The following MID2 variants were observed in gnomAD, a reference collection of about 807,000 sequenced individuals.
The protein encoded by MID2 is probable E3 ubiquitin-protein ligase MID2.
In MID2, 13 loss-of-function variants were observed where a neutral mutation model predicts 46.1. The observed-to-expected ratio is 0.28, with a 90% confidence interval of 0.18 to 0.45. The LOEUF (loss-of-function observed/expected upper bound fraction) is 0.45, where lower values mean the gene tolerates loss of function less well. Among genes scored for constraint, MID2 ranks in the 20% least tolerant of loss-of-function variants. The probability of loss-of-function intolerance (pLI) is 1.00; values close to 1 mark genes in which losing one functional copy is unlikely to be tolerated. For missense variants in MID2, 431 were observed against 575.4 expected, an observed-to-expected ratio of 0.75 and a Z score of 2.57; for synonymous variants, 199 against 212.3, an observed-to-expected ratio of 0.94 and a Z score of 0.55.
At chrX:107,831,638 C>G (rs1174062373) in intron 1 of MID2, among the ~76,000 whole-genome samples, 1 of 112,084 alleles carries the variant, frequency 8.9e-6, no homozygotes, top group Non-Finnish European at 1.9e-5. Flanking sequence ...CTGACCTGAA[C>G]TTGGGGTCCT....
At chrX:107,875,657 G>A (rs565894855) in intron 3 of MID2, among the ~76,000 whole-genome samples, 99 of 111,536 alleles carry the variant, frequency 8.9e-4, no homozygotes, top group African/African-American at 2.7e-3. Context: ...AGAATATACC[G>A]GTTCAGCAGA....
rs1372913120 is a variant in MID2, at chrX:107,926,798, G to A, written c.1933G>A (p.Val645Met). 1.7e-6 allele frequency: 2 copies of A among 1,209,835 alleles called. No individual in the cohort carries two copies. Among genetic ancestry groups the A allele is most frequent in the Non-Finnish European group, 2.2e-6 (2 of 895,130 alleles). Residue 645 changes from valine to methionine, a missense_variant, in exon 10 of 10, where the codon GTG (valine) becomes ATG (methionine). Val to Met is a conservative substitution (Grantham distance 21). Coordinates refer to ENST00000262843, the MANE Select transcript of MID2 (RefSeq NM_012216.4). ...GAGACACAACAACAAGGAAATGCTG[G>A]TGGATGTGCCCCCACACCTGAAGCG... ...VVRHNNKEMLVDVPPHLKRLG... is the reference protein window; with the variant it reads ...VVRHNNKEMLMDVPPHLKRLG...
At chrX:107,845,430 A>G in intron 2 of MID2, among the ~76,000 whole-genome samples, 1 of 110,003 alleles carries the variant, frequency 9.1e-6, no homozygotes, top group African/African-American at 3.3e-5. Flanking sequence ...ACATTTACAT[A>G]TCAGGGATCT....
At chrX:107,909,812 T>C (rs982598818) in intron 5 of MID2, among the ~76,000 whole-genome samples, 3 of 112,545 alleles carry the variant, frequency 2.7e-5, no homozygotes, top group African/African-American at 9.7e-5. Context: ...TCACTGCCGT[T>C]TTGAATCCAG....
chrX:107,887,313 C>A (rs907601095), intron 3 of MID2, among the ~76,000 whole-genome samples: 8 of 111,840 alleles, frequency 7.2e-5, no homozygotes, highest in African/African-American at 2.6e-4. Context: ...TGCCTAATTT[C>A]TTGAGAGTTT....
rs1933278984 is a variant in MID2, at chrX:107,931,358, G to T, written c.*4285G>T. 8.9e-6 allele frequency among the ~76,000 whole-genome samples: 1 copy of T among 112,111 alleles called. No homozygotes were observed. On this transcript the variant is annotated 3_prime_UTR_variant, in exon 10 of 10. Coordinates refer to ENST00000262843, the MANE Select transcript of MID2 (RefSeq NM_012216.4). ...AGGTTGGCCAAACTGATTGCCATCA[G>T]GTCAGACAAAACTGCCTTTTATGGT... is the stretch of plus-strand genomic sequence containing the variant.
At chrX:107,889,681 G>A (rs1932551142) in intron 3 of MID2, among the ~76,000 whole-genome samples, 1 of 111,837 alleles carries the variant, frequency 8.9e-6, no homozygotes, top group Non-Finnish European at 1.9e-5. Flanking sequence ...CTGGATTGGG[G>A]AATTTCTCCT....
At chrX:107,888,216 T>A (rs1932509931) in intron 3 of MID2, among the ~76,000 whole-genome samples, 1 of 111,949 alleles carries the variant, frequency 8.9e-6, no homozygotes, top group Non-Finnish European at 1.9e-5. Flanking sequence ...ATTGTGATGT[T>A]AGGGTGTCAA....
At chrX:107,828,310 C>CT (rs766362742) in intron 1 of MID2, among the ~76,000 whole-genome samples, 1,129 of 82,932 alleles carry the variant, frequency 0.014, 22 homozygotes, top group South Asian at 0.045. Flanking sequence ...TCTTTCTTTT[C>CT]TTTTTTTTTT....
chrX:107,850,043 C>T (rs2147831536), intron 2 of MID2, among the ~76,000 whole-genome samples: 1 of 112,012 alleles, frequency 8.9e-6, no homozygotes, highest in South Asian at 3.7e-4. Flanking sequence ...ACTAACCGGG[C>T]TTGAACATAA....
chrX:107,836,586 C>A (rs1569461498), intron 1 of MID2, among the ~76,000 whole-genome samples: 1 of 109,480 alleles, frequency 9.1e-6, no homozygotes, highest in East Asian at 2.8e-4. Context: ...ATAATACCTA[C>A]CTTTTAGAGA....
chrX:107,870,185 T>C (rs756483589), intron 3 of MID2, among the ~76,000 whole-genome samples: 9 of 111,589 alleles, frequency 8.1e-5, no homozygotes, highest in African/African-American at 3.3e-5. Flanking sequence ...GAATAAAAAG[T>C]GTTTGGTTAT....
Position 107,913,253 on chromosome X carries a change from A to G in MID2, c.1074-2749A>G, listed in dbSNP as rs777442817. The stretch of plus-strand genomic sequence containing the variant: ...CAAACTTTTCTCTATATCATTGGAT[A>G]TTATAAAACCTGATTTCCAATTGCT... On this transcript the variant is annotated intron_variant, in intron 5 of 9. Transcript: ENST00000262843. Among the ~76,000 whole-genome samples, 5 of 112,197 alleles carry G rather than the reference A, an allele frequency of 4.5e-5. No individual in the cohort carries two copies. In the East Asian group the frequency reaches 1.4e-3, roughly 31 times the overall value.
chrX:107,841,847 T>C (rs995188099), intron 2 of MID2, among the ~76,000 whole-genome samples: 3 of 110,994 alleles, frequency 2.7e-5, no homozygotes, highest in Non-Finnish European at 5.7e-5. Context: ...GCTGAGTGTA[T>C]CTAGGTAGGT....
intron 3 of MID2, among the ~76,000 whole-genome samples, chrX:107,862,345 C>T (rs1737472436): frequency 9.0e-6 from 1 of 111,476 alleles, no homozygotes; most frequent in South Asian, 3.8e-4. Flanking sequence ...ACAATCATTC[C>T]CAAATACTCA....
intron 2 of MID2, among the ~76,000 whole-genome samples, chrX:107,846,230 A>G (rs966426109): frequency 9.0e-6 from 1 of 111,554 alleles, no homozygotes; most frequent in Admixed American, 9.5e-5. Flanking sequence ...GATAAGAAAA[A>G]TCTTCAATGG....
At chrX:107,908,682 A>G (rs148097924) in intron 5 of MID2, among the ~76,000 whole-genome samples, 1,407 of 97,414 alleles carry the variant, frequency 0.014, 18 homozygotes, top group African/African-American at 0.056. Flanking sequence ...TGGGCAACAT[A>G]GCGAGATTCC....
chrX:107,918,642 A>G (rs184957590), intron 7 of MID2, among the ~76,000 whole-genome samples: 14 of 111,385 alleles, frequency 1.3e-4, no homozygotes, highest in Admixed American at 1.2e-3. Context: ...ATCAAACTCT[A>G]AAAAACATTT....
chrX:107,905,434 C>T lies in MID2; in HGVS notation c.925-44C>T, dbSNP rs1481374338. On this transcript the variant is annotated intron_variant, in intron 4 of 9. Transcript: ENST00000262843. ...GTTTTTTATTGTTTTTAATTAAGCA[C>T]TGCATGTTTTATCTTATTTTTTTCT... 4 of 1,069,289 alleles carry T rather than the reference C, an allele frequency of 3.7e-6. No homozygotes were observed. The African/African-American group carries it at 7.5e-5, about 20-fold the overall frequency. The allele number at this position is 1,069,289 out of a possible 1,213,427, so 88.1% of individuals were successfully genotyped here. A position where few individuals can be genotyped will look rare whatever the true frequency, so the allele number is the denominator to read the frequency against.
Sources: allele counts gnomAD v4.1 joint callset (sites outside exome capture counted in the v4.1 genomes callset), GRCh38; gene constraint gnomAD v4.1.1; transcripts MANE v1.5; gene names NCBI Gene and HGNC (gene_info 2026-07-23, HGNC 2026-07-21).